Variants in USP42 observed in about 807,000 individuals in gnomAD.
The protein encoded by USP42 is ubiquitin carboxyl-terminal hydrolase 42.
In USP42, 23 loss-of-function variants were observed where a neutral mutation model predicts 113.0. The ratio of observed to expected loss-of-function variants is 0.20; its 90% CI spans 0.15 to 0.29. The LOEUF (loss-of-function observed/expected upper bound fraction) is 0.29, where lower values mean the gene tolerates loss of function less well. Ranked by LOEUF, USP42 falls within the 10% of genes least tolerant of loss-of-function variation. The pLI is 1.00. For missense variants in USP42, 2,174 were observed against 1,779.8 expected, an observed-to-expected ratio of 1.22 and a Z score of -3.99; for synonymous variants, 933 against 699.0, an observed-to-expected ratio of 1.33 and a Z score of -5.28.
At chr7:6,094,594 C>A in the USP42 span, among the ~76,000 whole-genome samples, 1 of 151,240 alleles carries the variant, frequency 6.6e-6, no homozygotes, top group Non-Finnish European at 1.5e-5. Context: ...TGCAGTAGTT[C>A]ATTGTCACCT....
At chr7:6,119,902 A>T (rs1002517823) in intron 3 of USP42, among the ~76,000 whole-genome samples, 1 of 151,960 alleles carries the variant, frequency 6.6e-6, no homozygotes, top group African/African-American at 2.4e-5. Context: ...CAGTCTCACC[A>T]TGTTGCCCAG....
chr7:6,094,874 G>A, the USP42 span, among the ~76,000 whole-genome samples: 4 of 147,582 alleles, frequency 2.7e-5, no homozygotes, highest in East Asian at 2.0e-4. Flanking sequence ...TGCAACCTCC[G>A]CCTCCCAGGT....
At chr7:6,087,955 T>C in the USP42 span, among the ~76,000 whole-genome samples, 1 of 151,174 alleles carries the variant, frequency 6.6e-6, no homozygotes, top group African/African-American at 2.5e-5. Flanking sequence ...ATCTAAATCA[T>C]TTAGGAGAGG....
Position 6,159,602 on chromosome 7 carries a change from T to C in USP42, c.*36+109T>C. 2 of 1,183,408 alleles carry C rather than the reference T, an allele frequency of 1.7e-6. No individual in the cohort carries two copies. The highest frequency in any genetic ancestry group is 3.1e-5 in the African/African-American group (2 of 65,018). The allele number at this position is 1,183,408 out of a possible 1,614,324, so 73.3% of individuals were successfully genotyped here. ...TGCCTGGGGGCTGGGCTCATAGGAG[T>C]TGGCAGAGCCATGGAGAGGCCCCGG... On this transcript the variant is annotated intron_variant, in intron 17 of 17. Coordinates refer to ENST00000306177, the MANE Select transcript of USP42 (RefSeq NM_032172.3). This position sits in a 1 kb window ranked among gnomAD's most constrained non-coding sequence, Gnocchi z 4.1.
At chr7:6,121,506 A>G (rs191075626) in intron 3 of USP42, among the ~76,000 whole-genome samples, 6 of 151,888 alleles carry the variant, frequency 4.0e-5, no homozygotes, top group African/African-American at 1.2e-4. Context: ...TGTTGGCATC[A>G]TGGCATGTGT....
chr7:6,159,500 T>C lies in USP42; in HGVS notation c.*36+7T>C, dbSNP rs1782652230. 2 of 1,612,910 alleles carry C rather than the reference T, an allele frequency of 1.2e-6. No homozygotes were observed. The highest frequency in any genetic ancestry group is 1.7e-6 in the Non-Finnish European group (2 of 1,179,076). Reference sequence around the variant, plus strand: ...AAAAAATTCACTAGTTATGGTAAGCTGTTTTCCTGTCTGTTTCCTCATTGT... The same window carrying C: ...AAAAAATTCACTAGTTATGGTAAGCCGTTTTCCTGTCTGTTTCCTCATTGT... On this transcript the variant is annotated splice_region_variant and intron_variant, in intron 17 of 17. Coordinates refer to ENST00000306177, the MANE Select transcript of USP42 (RefSeq NM_032172.3). The surrounding 1 kb of genome is among the most constrained non-coding windows in gnomAD (Gnocchi z 4.1).
intron 6 of USP42, among the ~76,000 whole-genome samples, chr7:6,140,659 T>C (rs974739369): frequency 2.6e-5 from 4 of 152,220 alleles, no homozygotes; most frequent in African/African-American, 9.6e-5. Context: ...GTATTGTAAA[T>C]TTTAATTCTG....
chr7:6,154,443 G>C lies in USP42; in HGVS notation c.2889G>C (p.Gly963=), dbSNP rs748115231. 6.4e-7 allele frequency: 1 copy of C among 1,568,626 alleles called. No homozygotes were observed. Among genetic ancestry groups the C allele is most frequent in the South Asian group, 1.2e-5 (1 of 85,308 alleles). The change falls in exon 15 of 18, where the codon GGG becomes GGC. Residue 963 remains glycine, a synonymous_variant. Coordinates refer to ENST00000306177, the MANE Select transcript of USP42 (RefSeq NM_032172.3). ...GCCGGAGAGAGCGCTCGTCCAGCGG[G>C]GAGCCCGCCAGAGAGAGCAGGAGCA... ...YRSRRERSSS[G]EPARESRSKT...
chr7:6,136,838 C>G (rs1277218897), intron 4 of USP42, among the ~76,000 whole-genome samples: 1 of 145,464 alleles, frequency 6.9e-6, no homozygotes, highest in Non-Finnish European at 1.5e-5. Flanking sequence ...GAGACTGTGT[C>G]TCACTGTTTT....
At position 6,150,575 on chromosome 7, in the gene USP42, C is replaced by A; in HGVS notation, c.2201+69C>A. 2.3e-6 allele frequency: 3 copies of A among 1,327,920 alleles called. No homozygotes were observed. The South Asian group carries it at 3.6e-5, about 16-fold the overall frequency. 82.3% of individuals were successfully genotyped at this position (1,327,920 alleles called of 1,614,324 possible). A position where few individuals can be genotyped will look rare whatever the true frequency, so the allele number is the denominator to read the frequency against. ...GAAATCCAGTAGCCTCCAGATGTGT[C>A]AGTATTTGAATGCTGTAGAAATTTT... On this transcript the variant is annotated intron_variant, in intron 14 of 17. Coordinates refer to ENST00000306177, the MANE Select transcript of USP42 (RefSeq NM_032172.3).
intron 1 of USP42, among the ~76,000 whole-genome samples, chr7:6,107,160 A>G (rs1779329902): frequency 1.3e-5 from 2 of 152,192 alleles, no homozygotes; most frequent in Non-Finnish European, 2.9e-5. Flanking sequence ...ACAATGCTGT[A>G]TGGTTAATGA....
intron 8 of USP42, among the ~76,000 whole-genome samples, chr7:6,143,564 G>C (rs1297008481): frequency 4.6e-5 from 7 of 152,110 alleles, no homozygotes; most frequent in Admixed American, 3.3e-4. Context: ...TTTCCACTTT[G>C]TGGTCAGGTA....
intron 8 of USP42, among the ~76,000 whole-genome samples, chr7:6,143,823 T>C (rs1781559807): frequency 6.6e-6 from 1 of 152,186 alleles, no homozygotes; most frequent in South Asian, 2.1e-4. Context: ...GTTAACCTAA[T>C]TTTAACATTA....
chr7:6,100,065 C>A (rs1358472637), upstream of USP42, among the ~76,000 whole-genome samples: 1 of 149,374 alleles, frequency 6.7e-6, no homozygotes. Context: ...GTTGCCCAGG[C>A]TGGTCTTGAA....
intron 3 of USP42, among the ~76,000 whole-genome samples, chr7:6,133,580 T>G (rs951451016): frequency 2.0e-5 from 3 of 152,192 alleles, no homozygotes; most frequent in Admixed American, 2.0e-4. Context: ...AGTGGTGCTA[T>G]CATAGCTTAC....
intron 1 of USP42, among the ~76,000 whole-genome samples, 178 bp from the exon 2 acceptor site, chr7:6,110,947 A>G (rs1779565659): frequency 6.6e-6 from 1 of 152,226 alleles, no homozygotes; most frequent in South Asian, 2.1e-4. Flanking sequence ...TCATGATGCT[A>G]AATGTCCCAA....
intron 3 of USP42, among the ~76,000 whole-genome samples, chr7:6,121,212 A>C (rs1780210332): frequency 6.6e-6 from 1 of 152,126 alleles, no homozygotes; most frequent in Non-Finnish European, 1.5e-5. Context: ...GTAAAAATCC[A>C]TGTCTCTTTC....
At chr7:6,090,878 G>A in the USP42 span, among the ~76,000 whole-genome samples, 1 of 148,172 alleles carries the variant, frequency 6.7e-6, no homozygotes, top group African/African-American at 2.5e-5. Context: ...ATCCTCTTGA[G>A]AGGACCTTAC....
intron 14 of USP42, among the ~76,000 whole-genome samples, chr7:6,152,212 ACAGCT>A (rs1236708391): frequency 4.6e-5 from 7 of 152,210 alleles, no homozygotes; most frequent in South Asian, 2.1e-4. Context: ...GCTGTGAGTG[ACAGCT>A]CAGAGTGCGG....
Sources: allele counts gnomAD v4.1 joint callset (sites outside exome capture counted in the v4.1 genomes callset), GRCh38; gene constraint gnomAD v4.1.1; non-coding constraint Gnocchi (gnomAD v3.1); transcripts MANE v1.5; gene names NCBI Gene and HGNC (gene_info 2026-07-23, HGNC 2026-07-21).